TTLL5: variants seen among roughly 807,000 people sequenced by gnomAD.
The protein encoded by TTLL5 is tubulin polyglutamylase TTLL5.
Under a neutral mutation model 168.4 loss-of-function variants are expected in TTLL5, and 132 were observed. The ratio of observed to expected loss-of-function variants is 0.78; its 90% CI spans 0.68 to 0.91. The LOEUF (loss-of-function observed/expected upper bound fraction) is 0.91, where lower values mean the gene tolerates loss of function less well. TTLL5 is among the 40% of genes least tolerant of loss of function. The pLI, the probability that TTLL5 is intolerant of heterozygous loss-of-function variation, is 0.00. For missense variants in TTLL5, 1,545 were observed against 1,581.5 expected, an observed-to-expected ratio of 0.98 and a Z score of 0.39; for synonymous variants, 546 against 558.6, an observed-to-expected ratio of 0.98 and a Z score of 0.32.
chr14:75,709,047 G>A (rs1210967261), intron 9 of TTLL5: 7 of 638,436 alleles, frequency 1.1e-5, no homozygotes, highest in Non-Finnish European at 2.0e-5. Flanking sequence ...GCTGTCCTGG[G>A]CTGTATGCAG....
chr14:75,932,936 G>A (rs1403229694), intron 31 of TTLL5, among the ~76,000 whole-genome samples: 3 of 152,150 alleles, frequency 2.0e-5, no homozygotes, highest in Non-Finnish European at 2.9e-5. Flanking sequence ...TTCAGTCAGC[G>A]AAGACTCCGT....
chr14:75,775,227 A>G (rs938334671), intron 21 of TTLL5, among the ~76,000 whole-genome samples: 2 of 152,162 alleles, frequency 1.3e-5, no homozygotes, highest in Non-Finnish European at 2.9e-5. Flanking sequence ...CTACTTTATT[A>G]CATAGTTATT....
At chr14:75,904,255 T>C in intron 31 of TTLL5, 1 of 1,139,956 alleles carries the variant, frequency 8.8e-7, no homozygotes, top group Non-Finnish European at 1.1e-6. Flanking sequence ...GGTAGTTAAC[T>C]ATATTTTTAA....
chr14:75,689,195 C>T (rs755090147), intron 5 of TTLL5, among the ~76,000 whole-genome samples: 1 of 152,198 alleles, frequency 6.6e-6, no homozygotes, highest in Non-Finnish European at 1.5e-5. Context: ...CTCCTGCCAG[C>T]AGGCAGCCCC....
chr14:75,825,037 C>T (rs1219408633), intron 28 of TTLL5, among the ~76,000 whole-genome samples: 1 of 152,090 alleles, frequency 6.6e-6, no homozygotes, highest in Non-Finnish European at 1.5e-5. Context: ...AGTTGCTTAG[C>T]TTTTCTGAAC....
chr14:75,921,820 TA>T (rs1311118671), intron 31 of TTLL5, among the ~76,000 whole-genome samples: 3 of 152,198 alleles, frequency 2.0e-5, no homozygotes, highest in African/African-American at 7.2e-5. Context: ...CCTTGGGCAA[TA>T]TGGCCATTTT....
In TTLL5 at chr14:75,882,746, G is replaced by T; in HGVS notation, c.3584G>T (p.Gly1195Val). Residue 1195 changes from glycine (G) to valine (V), a missense_variant, in exon 30 of 32, where the codon GGT becomes GTT. Physicochemically the swap from Gly to Val is moderately radical, Grantham distance 109 (BLOSUM62 -3). Transcript: ENST00000298832. ...SNLWTMNNGA[G>V]CRISSATASG... ...TTATGGACAATGAATAATGGTGCAG[G>T]TTGTAGAATTTCCAGTGCCACAGCT... is the stretch of plus-strand genomic sequence containing the variant. 2 of 1,614,024 alleles carry T rather than the reference G, an allele frequency of 1.2e-6. No individual in the cohort carries two copies. The highest frequency in any genetic ancestry group is 2.2e-5 in the East Asian group (1 of 44,870).
chr14:75,675,128 T>C (rs1417169824), intron 3 of TTLL5, among the ~76,000 whole-genome samples: 1 of 152,194 alleles, frequency 6.6e-6, no homozygotes, highest in Non-Finnish European at 1.5e-5. Flanking sequence ...CAAGTATTCA[T>C]TCTTAAATTT....
rs180696090 is a variant in TTLL5, at chr14:75,867,667, G to A, written c.3522+3805G>A. Among the ~76,000 whole-genome samples, 15 of 152,072 alleles carry A rather than the reference G, an allele frequency of 9.9e-5. No homozygotes were observed. The East Asian group carries it at 2.3e-3, about 24-fold the overall frequency. ...CCCAGCTACTCAGGAGGCTGAGGTA[G>A]GAGAATCACTTGAACCCGGGAGGCG... On this transcript the variant is annotated intron_variant, in intron 29 of 31. Coordinates refer to ENST00000298832, the MANE Select transcript of TTLL5 (RefSeq NM_015072.5).
chr14:75,786,994 A>G (rs920428918), intron 26 of TTLL5, among the ~76,000 whole-genome samples: 2 of 152,054 alleles, frequency 1.3e-5, no homozygotes, highest in Non-Finnish European at 2.9e-5. Context: ...TTAGCCAGGC[A>G]TGGTGGCGCT....
chr14:75,907,932 C>T (rs2033212034), intron 31 of TTLL5, among the ~76,000 whole-genome samples: 1 of 152,240 alleles, frequency 6.6e-6, no homozygotes, highest in African/African-American at 2.4e-5. Context: ...TGTCCATCTG[C>T]TTCTAGGACT....
At chr14:75,746,656 C>T (rs892237957) in intron 17 of TTLL5, among the ~76,000 whole-genome samples, 7 of 151,392 alleles carry the variant, frequency 4.6e-5, no homozygotes, top group Non-Finnish European at 8.8e-5. Context: ...TCCTGGGCTC[C>T]ACTTCAAGCT....
intron 9 of TTLL5, chr14:75,709,372 C>T (rs1234787156): frequency 2.1e-5 from 12 of 581,918 alleles, no homozygotes; most frequent in Non-Finnish European, 3.7e-5. Flanking sequence ...CCAAACCTCG[C>T]TGGTGGAGCT....
At chr14:75,908,395 G>A (rs896706549) in intron 31 of TTLL5, among the ~76,000 whole-genome samples, 1 of 152,160 alleles carries the variant, frequency 6.6e-6, no homozygotes, top group African/African-American at 2.4e-5. Flanking sequence ...GCCCTCACCT[G>A]AAGCATGCTT....
At chr14:75,713,882 A>G (rs779367064) in intron 9 of TTLL5, among the ~76,000 whole-genome samples, 13 of 152,188 alleles carry the variant, frequency 8.5e-5, no homozygotes, top group Non-Finnish European at 1.6e-4. Flanking sequence ...TCAGAGCTGT[A>G]AGAATTATAT....
At chr14:75,800,015 T>C (rs555540967) in intron 27 of TTLL5, among the ~76,000 whole-genome samples, 57 of 152,360 alleles carry the variant, frequency 3.7e-4, no homozygotes, top group Admixed American at 1.8e-3. Flanking sequence ...TCTCGATCTT[T>C]GGCAAGGCCA....
At position 75,773,927 on chromosome 14, in the gene TTLL5, T is replaced by TATATATAGAGAG. The variant is rs1354936334; in HGVS notation, c.2137-1556_2137-1555insTATATAGAGAGA. On this transcript the variant is annotated intron_variant, in intron 21 of 31. Coordinates refer to ENST00000298832, the MANE Select transcript of TTLL5 (RefSeq NM_015072.5). ...AAATACATATATATATATATATATA[T>TATATATAGAGAG]AGAGAGAGAGAGAGAGAGAGAGAGA... 1.8e-3 allele frequency among the ~76,000 whole-genome samples: 37 copies of TATATATAGAGAG among 21,116 alleles called. 1 individual carries two copies. The highest frequency in any genetic ancestry group is 3.0e-3 in the East Asian group (3 of 1,000). The allele number at this position is 21,116 out of a possible 152,430, so 13.9% of individuals were successfully genotyped here.
intron 29 of TTLL5, among the ~76,000 whole-genome samples, chr14:75,871,675 GGTTT>G (rs762902946): frequency 6.6e-6 from 1 of 152,134 alleles, no homozygotes; most frequent in African/African-American, 2.4e-5. Flanking sequence ...CGTGGCCTGT[GGTTT>G]GTTTGTTTGT....
intron 30 of TTLL5, among the ~76,000 whole-genome samples, chr14:75,895,694 T>C (rs1395901523): frequency 2.6e-5 from 4 of 152,114 alleles, no homozygotes; most frequent in Non-Finnish European, 4.4e-5. Flanking sequence ...AAATAAACTC[T>C]TAATACATTT....
Sources: allele counts gnomAD v4.1 joint callset (sites outside exome capture counted in the v4.1 genomes callset), GRCh38; gene constraint gnomAD v4.1.1; transcripts MANE v1.5; gene names NCBI Gene and HGNC (gene_info 2026-07-23, HGNC 2026-07-21).